Variants in TCERG1L observed in about 807,000 individuals in gnomAD.
The protein encoded by TCERG1L is transcription elongation regulator 1-like protein.
TCERG1L carries 37 observed loss-of-function variants against 56.3 expected under a neutral mutation model. That is an observed-to-expected ratio of 0.66 (90% confidence interval 0.51 to 0.87). The LOEUF (loss-of-function observed/expected upper bound fraction) is 0.87. Among genes scored for constraint, TCERG1L ranks in the 40% least tolerant of loss-of-function variants. The pLI, the probability that TCERG1L is intolerant of heterozygous loss-of-function variation, is 0.00. For synonymous variants in TCERG1L, 324 were observed against 326.3 expected, an observed-to-expected ratio of 0.99 and a Z score of 0.08; for missense variants, 799 against 774.2, an observed-to-expected ratio of 1.03 and a Z score of -0.38.
intron 4 of TCERG1L, among the ~76,000 whole-genome samples, chr10:131,236,968 C>T (rs1008552134): frequency 6.6e-6 from 1 of 152,048 alleles, no homozygotes; most frequent in Non-Finnish European, 1.5e-5. Context: ...CATCCAGTCT[C>T]CCATGGTGCC....
intron 4 of TCERG1L, among the ~76,000 whole-genome samples, chr10:131,204,256 T>G (rs1244871623): frequency 1.3e-5 from 2 of 152,214 alleles, no homozygotes; most frequent in Non-Finnish European, 2.9e-5. Context: ...TCTCCAGACC[T>G]GTAAGAAAAG....
At chr10:131,183,485 G>GTA (rs1279223004) in intron 4 of TCERG1L, among the ~76,000 whole-genome samples, 2 of 152,180 alleles carry the variant, frequency 1.3e-5, no homozygotes, top group Non-Finnish European at 1.5e-5. Flanking sequence ...ACCAGAACTT[G>GTA]TATTTGCAGA....
At chr10:131,251,013 T>C (rs1429188775) in intron 4 of TCERG1L, among the ~76,000 whole-genome samples, 2 of 151,578 alleles carry the variant, frequency 1.3e-5, no homozygotes, top group African/African-American at 4.8e-5. Context: ...CCTGGGAGAG[T>C]TGGGGCCCAG....
intron 4 of TCERG1L, among the ~76,000 whole-genome samples, chr10:131,180,564 G>T (rs2397750): frequency 0.46 from 69,928 of 152,112 alleles, 19,181 homozygotes; most frequent in South Asian, 0.69. Flanking sequence ...CTGCTGATAC[G>T]ATTGTGTAGA....
rs982472810 is a variant in TCERG1L at position 131,118,986 on chromosome 10, G to C, written c.1260-2052C>G. Among the ~76,000 whole-genome samples, 1 of 152,206 alleles carries C rather than the reference G, an allele frequency of 6.6e-6. No individual in the cohort carries two copies. The highest frequency in any genetic ancestry group is 2.4e-5 in the African/African-American group (1 of 41,538). On this transcript the variant is annotated intron_variant, in intron 8 of 11. Coordinates refer to ENST00000368642, the MANE Select transcript of TCERG1L (RefSeq NM_174937.4). This position sits in a 1 kb window ranked among gnomAD's most constrained non-coding sequence, Gnocchi z 4.2. Reference sequence around the variant, plus strand: ...CAATGCACAGGACAGCCCCCACCACGCAGGCTCATGTGGCCCAAGTGGGTC... The same window carrying C: ...CAATGCACAGGACAGCCCCCACCACCCAGGCTCATGTGGCCCAAGTGGGTC...
chr10:131,295,689 T>G (rs1459462687), intron 3 of TCERG1L, among the ~76,000 whole-genome samples: 1 of 152,222 alleles, frequency 6.6e-6, no homozygotes, highest in African/African-American at 2.4e-5. Flanking sequence ...AATGCGCATA[T>G]CCATCATCTC....
At chr10:131,119,111 C>T (rs1468578236) in intron 8 of TCERG1L, among the ~76,000 whole-genome samples, 1 of 152,118 alleles carries the variant, frequency 6.6e-6, no homozygotes, top group Admixed American at 6.5e-5. Flanking sequence ...GTGGCCAGAC[C>T]CGGCCGTCCA....
intron 2 of TCERG1L, among the ~76,000 whole-genome samples, chr10:131,308,753 G>A (rs550511135): frequency 2.0e-4 from 30 of 152,240 alleles, no homozygotes; most frequent in Admixed American, 1.1e-3. Context: ...ATTTGAACCC[G>A]AAAGCCAAAA....
In TCERG1L at chr10:131,116,937, T is replaced by G; in HGVS notation, c.1260-3A>C. 6.2e-7 allele frequency: 1 copy of G among 1,608,182 alleles called. No homozygotes were observed. Among genetic ancestry groups the G allele is most frequent in the Admixed American group, 1.7e-5 (1 of 59,362 alleles). On this transcript the variant is annotated splice_polypyrimidine_tract_variant and splice_region_variant and intron_variant, in intron 8 of 11. Transcript: ENST00000368642. The stretch of plus-strand genomic sequence containing the variant: ...TGGGACTCCCGCAGCCTTCGGTCCT[T>G]CAGGAACACAAGACGCAGAGTTAGA...
intron 8 of TCERG1L, among the ~76,000 whole-genome samples, chr10:131,132,305 C>A (rs906497091): frequency 6.6e-6 from 1 of 152,236 alleles, no homozygotes; most frequent in Admixed American, 6.5e-5. Flanking sequence ...AAGGCTGGAA[C>A]CAACATGGAA....
chr10:131,178,126 A>C (rs1045783325), intron 4 of TCERG1L, among the ~76,000 whole-genome samples: 13 of 151,856 alleles, frequency 8.6e-5, no homozygotes, highest in Admixed American at 2.0e-4. Context: ...CCCCCTGAGG[A>C]CCCTGCCTCC....
chr10:131,126,428 A>G (rs963320789), intron 8 of TCERG1L, among the ~76,000 whole-genome samples: 1 of 152,212 alleles, frequency 6.6e-6, no homozygotes, highest in Non-Finnish European at 1.5e-5. Flanking sequence ...TCAGAAGGTG[A>G]AACACCTGCT....
In TCERG1L at chr10:131,098,339, T is replaced by C. The variant is rs987297033; in HGVS notation, c.1571A>G (p.Lys524Arg). ...CACTTTAGATTCCTCTAGAAGTTTCTTGAATTCTTCTTTGGCTAGCAGCAA... is the reference window on the plus strand; with the variant it reads ...CACTTTAGATTCCTCTAGAAGTTTCCTGAATTCTTCTTTGGCTAGCAGCAA... ...SKLLLAKEEFKKLLEESKVSP... is the reference protein window; with the variant it reads ...SKLLLAKEEFRKLLEESKVSP... Residue 524 changes from lysine to arginine, a missense_variant, in exon 11 of 12, where the codon AAG becomes AGG. By Grantham distance (26) the Lys-to-Arg change is conservative (BLOSUM62 2). Transcript: ENST00000368642. The C allele has an allele frequency of 4.5e-6, 7 of 1,553,138 alleles. No homozygotes were observed. In the African/African-American group the frequency reaches 8.2e-5, roughly 18 times the overall value.
intron 4 of TCERG1L, among the ~76,000 whole-genome samples, chr10:131,232,787 A>G (rs1845866362): frequency 6.6e-6 from 1 of 152,110 alleles, no homozygotes. Context: ...CAGCTCACAG[A>G]AAGACAAGGG....
chr10:131,270,608 G>T (rs1471672931), intron 3 of TCERG1L, among the ~76,000 whole-genome samples: 1 of 152,222 alleles, frequency 6.6e-6, no homozygotes, highest in Non-Finnish European at 1.5e-5. Flanking sequence ...ACATGTGCTT[G>T]ATGCCCAGCC....
chr10:131,193,384 T>C (rs923630802), intron 4 of TCERG1L, among the ~76,000 whole-genome samples: 1 of 152,228 alleles, frequency 6.6e-6, no homozygotes. Flanking sequence ...TTTGCCTACT[T>C]TTTTCTTGCC....
rs1212817549 is a variant in TCERG1L at position 131,136,189 on chromosome 10, CTGG to C, written c.1190-1744_1190-1742del. Among the ~76,000 whole-genome samples the C allele has an allele frequency of 5.9e-5, 9 of 152,366 alleles. No homozygotes were observed. In the East Asian group the frequency reaches 1.7e-3, roughly 29 times the overall value. On this transcript the variant is annotated intron_variant, in intron 7 of 11. Coordinates refer to ENST00000368642, the MANE Select transcript of TCERG1L (RefSeq NM_174937.4). ...GGGCCATGGAAGGGAAGAGAGGACACTGGAGGGTATCCACTTCCTCCTCTCTGG... is the reference window on the plus strand; with the variant it reads ...GGGCCATGGAAGGGAAGAGAGGACACAGGGTATCCACTTCCTCCTCTCTGG...
chr10:131,126,255 C>T (rs1173463906), intron 8 of TCERG1L, among the ~76,000 whole-genome samples: 3 of 152,182 alleles, frequency 2.0e-5, no homozygotes, highest in Non-Finnish European at 2.9e-5. Context: ...ACTTGCTGTC[C>T]GTGTAGCTGT....
chr10:131,293,790 C>T (rs1846660174), intron 3 of TCERG1L, among the ~76,000 whole-genome samples: 1 of 152,200 alleles, frequency 6.6e-6, no homozygotes. Flanking sequence ...TTAACTCTTA[C>T]AGACTGCAAG....
Sources: gnomAD v4.1 joint callset for allele counts (sites outside exome capture counted in the v4.1 genomes callset) on GRCh38, gnomAD v4.1.1 for gene constraint, Gnocchi (gnomAD v3.1) non-coding constraint, MANE v1.5 for transcripts, NCBI Gene and HGNC (gene_info 2026-07-23, HGNC 2026-07-21) for gene names.